GRAMD2B: variants seen among roughly 807,000 people sequenced by gnomAD.
The protein encoded by GRAMD2B is GRAM domain containing 2B, also known as GRAM domain-containing protein 2B.
GRAMD2B carries 41 observed loss-of-function variants against 59.2 expected under a neutral mutation model. The ratio of observed to expected loss-of-function variants is 0.69; its 90% CI spans 0.54 to 0.90. The LOEUF (loss-of-function observed/expected upper bound fraction) is 0.90, where lower values mean the gene tolerates loss of function less well. GRAMD2B is among the 40% of genes least tolerant of loss of function. GRAMD2B has a pLI of 0.00. For synonymous variants in GRAMD2B, 161 were observed against 182.7 expected, an observed-to-expected ratio of 0.88 and a Z score of 0.96; for missense variants, 424 against 500.5, an observed-to-expected ratio of 0.85 and a Z score of 1.46.
rs181517603 is a variant in GRAMD2B, at chr5:126,404,774, T to C, written c.125+33207T>C. Among the ~76,000 whole-genome samples, 625 of 151,934 alleles carry C rather than the reference T, an allele frequency of 4.1e-3. 3 individuals carry two copies. The highest frequency in any genetic ancestry group is 7.1e-3 in the Non-Finnish European group (480 of 67,860). Reference sequence around the variant, plus strand: ...GAGGAAGAGGAGTGCATTACAAAGGTGTATAAGACACCATCTCCATGTCAA... The same window carrying C: ...GAGGAAGAGGAGTGCATTACAAAGGCGTATAAGACACCATCTCCATGTCAA... On this transcript the variant is annotated intron_variant, in intron 1 of 8. Transcript: ENST00000506445.
At chr5:126,384,205 C>G (rs1387451683) in intron 1 of GRAMD2B, among the ~76,000 whole-genome samples, 1 of 152,202 alleles carries the variant, frequency 6.6e-6, no homozygotes, top group African/African-American at 2.4e-5. Flanking sequence ...AGGCTCAGAT[C>G]CTGCTTCCAG....
At chr5:126,379,662 G>A (rs1042071427) in intron 1 of GRAMD2B, among the ~76,000 whole-genome samples, 1 of 152,098 alleles carries the variant, frequency 6.6e-6, no homozygotes, top group Non-Finnish European at 1.5e-5. Flanking sequence ...CATTAGTAAT[G>A]CTGAGCATTT....
At chr5:126,446,996 G>A (rs1764368925) in intron 1 of GRAMD2B, among the ~76,000 whole-genome samples, 1 of 152,184 alleles carries the variant, frequency 6.6e-6, no homozygotes, top group South Asian at 2.1e-4. Context: ...CCTCCCAGCA[G>A]TAATTATGAG....
intron 1 of GRAMD2B, among the ~76,000 whole-genome samples, chr5:126,454,874 A>C (rs1327910321): frequency 2.0e-5 from 3 of 152,036 alleles, no homozygotes; most frequent in Non-Finnish European, 4.4e-5. Context: ...TTTATTGTTG[A>C]CCTATTTGGG....
intron 10 of GRAMD2B, among the ~76,000 whole-genome samples, chr5:126,484,803 C>CG (rs1772591521): frequency 6.6e-6 from 1 of 152,014 alleles, no homozygotes. Flanking sequence ...AGGCTAGTCT[C>CG]GAACTCCTGA....
chr5:126,420,019 C>T (rs1012337754), upstream of GRAMD2B, among the ~76,000 whole-genome samples: 7 of 141,882 alleles, frequency 4.9e-5, no homozygotes, highest in Non-Finnish European at 9.0e-5. Context: ...CGTGCCACTG[C>T]ACTCCAGCCT....
At chr5:126,363,307 C>CAA (rs979068029) in intron 1 of GRAMD2B, among the ~76,000 whole-genome samples, 1 of 144,686 alleles carries the variant, frequency 6.9e-6, no homozygotes, top group African/African-American at 2.5e-5. Context: ...ATATCAAAAA[C>CAA]AAAAAAAAAA....
intron 1 of GRAMD2B, among the ~76,000 whole-genome samples, chr5:126,406,297 T>C (rs1022502709): frequency 3.3e-5 from 5 of 152,054 alleles, no homozygotes; most frequent in African/African-American, 1.2e-4. Flanking sequence ...ATGGCACATG[T>C]ATACATATGT....
At chr5:126,473,624 C>CCCATAA (rs1410682937) in intron 5 of GRAMD2B, among the ~76,000 whole-genome samples, 1 of 152,132 alleles carries the variant, frequency 6.6e-6, no homozygotes. Context: ...ATGTACCTCA[C>CCCATAA]CCATAACCAT....
chr5:126,468,129 C>CAT (rs1768809470), intron 2 of GRAMD2B, among the ~76,000 whole-genome samples: 1 of 152,164 alleles, frequency 6.6e-6, no homozygotes, highest in Admixed American at 6.5e-5. Context: ...AAAACTTATT[C>CAT]ATATATATAA....
chr5:126,491,723 T>C (rs1386467042), intron 13 of GRAMD2B, among the ~76,000 whole-genome samples: 1 of 151,298 alleles, frequency 6.6e-6, no homozygotes, highest in South Asian at 2.1e-4. Context: ...TCTGAATTCT[T>C]TTTTTTTTCC....
intron 10 of GRAMD2B, among the ~76,000 whole-genome samples, chr5:126,484,974 C>G (rs983270906): frequency 1.3e-5 from 2 of 152,116 alleles, no homozygotes; most frequent in African/African-American, 4.8e-5. Context: ...TTCACTTATT[C>G]TTTTAGCAAA....
intron 13 of GRAMD2B, among the ~76,000 whole-genome samples, chr5:126,492,229 G>C (rs6898530): frequency 0.81 from 122,041 of 151,484 alleles, 49,340 homozygotes; most frequent in East Asian, 0.93. Context: ...TATTATGTGG[G>C]ATTTTTCTGA....
At chr5:126,455,861 C>T (rs1436610546) in intron 1 of GRAMD2B, among the ~76,000 whole-genome samples, 2 of 152,172 alleles carry the variant, frequency 1.3e-5, no homozygotes, top group African/African-American at 4.8e-5. Context: ...CTCCTCTTTA[C>T]AATTAGAAGA....
chr5:126,470,712 C>T (rs1769396296), intron 3 of GRAMD2B, among the ~76,000 whole-genome samples: 1 of 151,996 alleles, frequency 6.6e-6, no homozygotes, highest in Admixed American at 6.6e-5. Flanking sequence ...ATGTGCACCA[C>T]CACACCCAGC....
intron 1 of GRAMD2B, among the ~76,000 whole-genome samples, chr5:126,379,922 C>T (rs1278877556): frequency 6.6e-6 from 1 of 152,056 alleles, no homozygotes; most frequent in Non-Finnish European, 1.5e-5. Flanking sequence ...TTAAGTCACA[C>T]CTATTTATCT....
At chr5:126,460,565 A>G (rs912331419) in intron 1 of GRAMD2B, among the ~76,000 whole-genome samples, 5 of 151,856 alleles carry the variant, frequency 3.3e-5, no homozygotes, top group South Asian at 2.1e-4. Flanking sequence ...ACTCCATTCT[A>G]TTTCCTTCTT....
rs181396433 is a variant in GRAMD2B at position 126,383,337 on chromosome 5, T to G, written c.125+11770T>G. On this transcript the variant is annotated intron_variant, in intron 1 of 8. Transcript: ENST00000506445. ...CAGGCAAATGTAATTGAATTGAAGG[T>G]TCTAGGAGTTGCCTCCTTGTGTAAT... Among the ~76,000 whole-genome samples, 15 of 152,354 alleles carry G rather than the reference T, an allele frequency of 9.8e-5. No homozygotes were observed. The East Asian group carries it at 2.9e-3, about 29-fold the overall frequency.
chr5:126,375,747 G>T (rs1262997825), intron 1 of GRAMD2B, among the ~76,000 whole-genome samples: 2 of 152,134 alleles, frequency 1.3e-5, no homozygotes, highest in African/African-American at 4.8e-5. Context: ...AATAATTCTA[G>T]ATATCCTTGT....
Sources: allele counts gnomAD v4.1 joint callset (sites outside exome capture counted in the v4.1 genomes callset), GRCh38; gene constraint gnomAD v4.1.1; transcripts MANE v1.5; gene names NCBI Gene and HGNC (gene_info 2026-07-23, HGNC 2026-07-21).